The following WDR48 variants were observed in gnomAD, a reference collection of about 807,000 sequenced individuals.
WDR48 encodes the protein WD repeat domain 48.
A neutral mutation model predicts 94.0 loss-of-function variants in WDR48; 22 were observed. That is an observed-to-expected ratio of 0.23 (90% CI 0.17 to 0.33). WDR48 has a LOEUF of 0.33. WDR48 is among the 10% of genes least tolerant of loss of function. The pLI is 1.00. For synonymous variants in WDR48, 278 were observed against 280.5 expected (o/e 0.99, Z 0.09); for missense variants, 541 against 813.8 (o/e 0.66, Z 4.08).
At chr3:39,054,155 G>C (rs905088385) in intron 1 of WDR48, among the ~76,000 whole-genome samples, 1 of 152,156 alleles carries the variant, frequency 6.6e-6, no homozygotes, top group African/African-American at 2.4e-5. Flanking sequence ...AAACTAATGC[G>C]TGTTCATTGT....
chr3:39,058,837 G>T (rs1307418103), intron 1 of WDR48, among the ~76,000 whole-genome samples: 1 of 152,112 alleles, frequency 6.6e-6, no homozygotes, highest in Non-Finnish European at 1.5e-5. Context: ...AGCATTTTGG[G>T]AGGCCAAGGT....
At chr3:39,063,673 T>G (rs777442565) in intron 2 of WDR48, among the ~76,000 whole-genome samples, 1 of 152,090 alleles carries the variant, frequency 6.6e-6, no homozygotes, top group African/African-American at 2.4e-5. Context: ...CTGAGCATGG[T>G]GGCCCACACC....
At chr3:39,075,467 GAA>G (rs2034173942) in intron 8 of WDR48, among the ~76,000 whole-genome samples, 1 of 152,114 alleles carries the variant, frequency 6.6e-6, no homozygotes. Flanking sequence ...TCTCCTGAAA[GAA>G]GAGGGAGCAG....
At chr3:39,086,179 G>T (rs1397351936) in intron 14 of WDR48, 1 of 152,312 alleles carries the variant, frequency 6.6e-6, no homozygotes. Context: ...CATAGGCAGT[G>T]GCAGTAACGT....
intron 2 of WDR48, among the ~76,000 whole-genome samples, chr3:39,063,889 C>T (rs538295164): frequency 1.3e-5 from 2 of 152,136 alleles, no homozygotes; most frequent in Non-Finnish European, 2.9e-5. Context: ...GAGGTTGAGG[C>T]TGAGTGAGCC....
At chr3:39,078,350 A>G in intron 10 of WDR48, 111 bp downstream of exon 10, 1 of 745,490 alleles carries the variant, frequency 1.3e-6, no homozygotes, top group Middle Eastern at 2.6e-4. Flanking sequence ...GATGTAAACA[A>G]AAGATAATAC....
At chr3:39,067,292 C>G (rs1415491297) in intron 5 of WDR48, among the ~76,000 whole-genome samples, 1 of 152,100 alleles carries the variant, frequency 6.6e-6, no homozygotes, top group Non-Finnish European at 1.5e-5. Context: ...GTGTTAAGAG[C>G]TTTTGAGTTA....
chr3:39,064,722 T>C (rs778643150), intron 2 of WDR48, among the ~76,000 whole-genome samples: 1 of 152,184 alleles, frequency 6.6e-6, no homozygotes, highest in Non-Finnish European at 1.5e-5. Flanking sequence ...TTAGCAAGTT[T>C]TACAAGTCTG....
intron 7 of WDR48, among the ~76,000 whole-genome samples, chr3:39,073,010 T>G (rs538597373): frequency 6.6e-6 from 1 of 152,274 alleles, no homozygotes; most frequent in Non-Finnish European, 1.5e-5. Flanking sequence ...GACTTATCCT[T>G]TCCTGTTACA....
intron 14 of WDR48, among the ~76,000 whole-genome samples, chr3:39,085,900 T>C (rs1414979259): frequency 6.6e-6 from 1 of 152,198 alleles, no homozygotes; most frequent in Non-Finnish European, 1.5e-5. Context: ...CTTAACAGAC[T>C]TATTTCCAAA....
At chr3:39,093,742 T>C (rs1575441249) in intron 17 of WDR48, 132 bp from the exon 18 acceptor site, 2 of 1,041,440 alleles carry the variant, frequency 1.9e-6, no homozygotes, top group Non-Finnish European at 2.6e-6. Context: ...AAAAATGGAT[T>C]AAGGTAATGA....
chr3:39,057,723 A>G (rs1055732762), intron 1 of WDR48, among the ~76,000 whole-genome samples: 12 of 152,128 alleles, frequency 7.9e-5, no homozygotes, highest in Non-Finnish European at 1.5e-5. Context: ...CCTGGGTTCA[A>G]GTGATTCTCC....
At position 39,089,266 on chromosome 3, in the gene WDR48, C is replaced by T. The variant is rs2034965210; in HGVS notation, c.1616C>T (p.Ser539Phe). The change falls in exon 16 of 19, where the codon TCT (serine) becomes TTT (phenylalanine). Residue 539 changes from serine to phenylalanine, a missense_variant. Physicochemically the swap from Ser to Phe is radical, Grantham distance 155. Coordinates refer to ENST00000302313, the MANE Select transcript of WDR48 (RefSeq NM_020839.4). ...LCRDSGGETE[S>F]MLLNETVPQW... ...CGAGATTCCGGGGGTGAGACTGAGT[C>T]TATGCTTCTTAATGAAACAGTGCCA... The T allele has an allele frequency of 6.2e-7, 1 of 1,613,534 alleles. No homozygotes were observed. The highest frequency in any genetic ancestry group is 8.5e-7 in the Non-Finnish European group (1 of 1,179,758).
At chr3:39,069,564 T>C in intron 6 of WDR48, 79 bp from the exon 7 acceptor site, 3 of 1,247,558 alleles carry the variant, frequency 2.4e-6, no homozygotes, top group South Asian at 2.8e-5. Flanking sequence ...TGGTTATCAT[T>C]TGACTTATGA....
At chr3:39,078,441 T>A (rs1187935679) in intron 10 of WDR48, among the ~76,000 whole-genome samples, 2 of 152,148 alleles carry the variant, frequency 1.3e-5, no homozygotes, top group Non-Finnish European at 2.9e-5. Context: ...TTTTTTGAGA[T>A]GGAGTGTTGC....
intron 4 of WDR48, 39 bp from the exon 5 acceptor site, chr3:39,066,707 A>G (rs773374249): frequency 4.3e-6 from 7 of 1,613,586 alleles, no homozygotes; most frequent in Non-Finnish European, 5.9e-6. Context: ...TTTATTACTG[A>G]TCTACAGAAT....
chr3:39,065,926 A>G, intron 3 of WDR48, 37 bp downstream of exon 3: 1 of 1,504,408 alleles, frequency 6.6e-7, no homozygotes, highest in Non-Finnish European at 8.9e-7. Flanking sequence ...GGCTTCTGAT[A>G]TATTTTTTGT....
chr3:39,092,980 G>A lies in WDR48; in HGVS notation c.1746-894G>A, dbSNP rs542749098. Among the ~76,000 whole-genome samples, 8 of 152,124 alleles carry A rather than the reference G, an allele frequency of 5.3e-5. No individual in the cohort carries two copies. In the East Asian group the frequency reaches 5.8e-4, roughly 11 times the overall value. On this transcript the variant is annotated intron_variant, in intron 17 of 18. Transcript: ENST00000302313. ...CTGAAGTTCAAATGATTTTCAGAGCGTAGGCCTTAGTTTTTTGGTATAATA... is the reference window on the plus strand; with the variant it reads ...CTGAAGTTCAAATGATTTTCAGAGCATAGGCCTTAGTTTTTTGGTATAATA...
chr3:39,056,602 A>G (rs1459150419), intron 1 of WDR48, among the ~76,000 whole-genome samples: 6 of 152,252 alleles, frequency 3.9e-5, no homozygotes, highest in Non-Finnish European at 8.8e-5. Flanking sequence ...TTAAAGCTGT[A>G]TGAAACAGAA....
Sources: allele counts gnomAD v4.1 joint callset (sites outside exome capture counted in the v4.1 genomes callset), GRCh38; gene constraint gnomAD v4.1.1; transcripts MANE v1.5; gene names NCBI Gene and HGNC (gene_info 2026-07-23, HGNC 2026-07-21).